PCDH15: variants seen among roughly 807,000 people sequenced by gnomAD.
PCDH15 encodes protocadherin-15.
PCDH15 carries 129 observed loss-of-function variants against 178.5 expected under a neutral mutation model. The observed-to-expected ratio is 0.72, with a 90% CI of 0.63 to 0.84. PCDH15 has a LOEUF of 0.84. Among genes scored for constraint, PCDH15 ranks in the 40% least tolerant of loss-of-function variants. The probability of loss-of-function intolerance (pLI) is 0.00; values close to 1 mark genes in which losing one functional copy is unlikely to be tolerated. For synonymous variants in PCDH15, 800 were observed against 732.0 expected (o/e 1.09, Z -1.50); for missense variants, 2,230 against 2,099.9 (o/e 1.06, Z -1.21).
chr10:54,598,137 C>T (rs1323187508), intron 2 of PCDH15, among the ~76,000 whole-genome samples: 1 of 152,002 alleles, frequency 6.6e-6, no homozygotes, highest in Non-Finnish European at 1.5e-5. Flanking sequence ...TCTATGAGGC[C>T]AGTATCATCC....
intron 2 of PCDH15, among the ~76,000 whole-genome samples, chr10:55,582,634 T>A (rs1323205340): frequency 1.5e-5 from 2 of 134,054 alleles, no homozygotes; most frequent in Non-Finnish European, 3.1e-5. Flanking sequence ...ATATATTTTT[T>A]TTTTTTTGCT....
At chr10:54,133,181 T>A (rs1464123102) in intron 14 of PCDH15, among the ~76,000 whole-genome samples, 174 bp from the exon 15 acceptor site, 1 of 152,228 alleles carries the variant, frequency 6.6e-6, no homozygotes. Context: ...TATAATGGTT[T>A]TATGAAATTA....
At chr10:55,049,204 A>G (rs1841090452) in intron 2 of PCDH15, among the ~76,000 whole-genome samples, 1 of 151,988 alleles carries the variant, frequency 6.6e-6, no homozygotes, top group African/African-American at 2.4e-5. Flanking sequence ...TCAGCTTGTG[A>G]ATTGCAAAAT....
chr10:54,552,452 G>A (rs2086722811), intron 2 of PCDH15, among the ~76,000 whole-genome samples: 1 of 152,012 alleles, frequency 6.6e-6, no homozygotes, highest in Admixed American at 6.6e-5. Context: ...AACTTAAATG[G>A]CATTATTAAT....
chr10:53,901,637 G>A (rs1007396222), intron 26 of PCDH15, among the ~76,000 whole-genome samples: 15 of 152,066 alleles, frequency 9.9e-5, no homozygotes, highest in Non-Finnish European at 1.5e-4. Flanking sequence ...AACACACCTA[G>A]AACGAATCCC....
At chr10:53,966,207 G>T (rs2088998374) in intron 21 of PCDH15, among the ~76,000 whole-genome samples, 1 of 152,124 alleles carries the variant, frequency 6.6e-6, no homozygotes, top group Non-Finnish European at 1.5e-5. Flanking sequence ...ACACCATCAT[G>T]AAAGTGTGGC....
chr10:55,483,835 C>T (rs902714422), intron 2 of PCDH15, among the ~76,000 whole-genome samples: 1 of 146,506 alleles, frequency 6.8e-6, no homozygotes, highest in South Asian at 2.1e-4. Flanking sequence ...AAAAAAAAGA[C>T]ACATGGATAC....
At chr10:54,757,191 A>G (rs1283954042) in intron 1 of PCDH15, among the ~76,000 whole-genome samples, 1 of 152,106 alleles carries the variant, frequency 6.6e-6, no homozygotes, top group Non-Finnish European at 1.5e-5. Context: ...TGTCCTTATT[A>G]GAAACATACA....
In PCDH15 at chr10:54,081,493, C is replaced by T. The variant is rs138602598; in HGVS notation, c.1998-2069G>A. Among the ~76,000 whole-genome samples, 1,252 of 152,064 alleles carry T rather than the reference C, an allele frequency of 8.2e-3. 13 individuals are homozygous for T. Among genetic ancestry groups the T allele is most frequent in the African/African-American group, 0.029 (1,184 of 41,480 alleles). On this transcript the variant is annotated intron_variant, in intron 16 of 37. Transcript: ENST00000644397. Reference sequence around the variant, plus strand: ...TTATAGAGGTAGTTTTTATGTAATACGCGGGCCTTGCGACTCAGTGTTGTA... The same window carrying T: ...TTATAGAGGTAGTTTTTATGTAATATGCGGGCCTTGCGACTCAGTGTTGTA...
chr10:54,096,992 T>G (rs929986407), intron 15 of PCDH15, among the ~76,000 whole-genome samples: 1 of 152,152 alleles, frequency 6.6e-6, no homozygotes, highest in Non-Finnish European at 1.5e-5. Context: ...TATATCCAAT[T>G]CATTAACAAA....
At chr10:55,171,004 T>C (rs2132123131) in intron 1 of PCDH15, among the ~76,000 whole-genome samples, 1 of 152,358 alleles carries the variant, frequency 6.6e-6, no homozygotes, top group Middle Eastern at 3.4e-3. Flanking sequence ...TGGTTCCTTT[T>C]TTGCTGGTCC....
chr10:55,002,311 A>C (rs1257294986), intron 2 of PCDH15, among the ~76,000 whole-genome samples: 2 of 152,244 alleles, frequency 1.3e-5, no homozygotes, highest in African/African-American at 4.8e-5. Flanking sequence ...TTAAAGTGAA[A>C]GATTATTTAC....
chr10:54,343,856 A>C (rs1942737363), intron 6 of PCDH15, among the ~76,000 whole-genome samples: 1 of 139,472 alleles, frequency 7.2e-6, no homozygotes, highest in African/African-American at 2.9e-5. Context: ...GATTTGCAAC[A>C]AAACAGAAAG....
chr10:53,921,063 G>C (rs2083955256), intron 25 of PCDH15, among the ~76,000 whole-genome samples: 1 of 152,144 alleles, frequency 6.6e-6, no homozygotes, highest in Non-Finnish European at 1.5e-5. Flanking sequence ...TTTAAATTGA[G>C]CTTTTGGAAA....
intron 2 of PCDH15, among the ~76,000 whole-genome samples, chr10:55,393,497 T>G (rs1837849850): frequency 6.6e-6 from 1 of 152,130 alleles, no homozygotes; most frequent in Non-Finnish European, 1.5e-5. Flanking sequence ...AACTGTAAAC[T>G]GAGAGACCAA....
At chr10:54,011,090 CT>C (rs1442300035) in intron 20 of PCDH15, among the ~76,000 whole-genome samples, 3 of 150,680 alleles carry the variant, frequency 2.0e-5, no homozygotes, top group Non-Finnish European at 1.5e-5. Flanking sequence ...CTTTACCCAG[CT>C]CAGGCCAGCA....
intron 1 of PCDH15, among the ~76,000 whole-genome samples, chr10:55,173,827 C>T (rs1839407505): frequency 6.6e-6 from 1 of 152,008 alleles, no homozygotes; most frequent in African/African-American, 2.4e-5. Context: ...CTCCTTAGTA[C>T]AGATTTTTTG....
intron 2 of PCDH15, among the ~76,000 whole-genome samples, chr10:54,971,177 T>A (rs1162490949): frequency 1.3e-5 from 2 of 152,162 alleles, no homozygotes; most frequent in East Asian, 3.9e-4. Flanking sequence ...TTTTAATGTT[T>A]GTGTCCCCTC....
intron 32 of PCDH15, chr10:53,822,439 C>CAGGAGCAGG (rs373916538): frequency 6.3e-7 from 1 of 1,587,340 alleles, no homozygotes; most frequent in Non-Finnish European, 8.6e-7. Context: ...GCAAGAGGAG[C>CAGGAGCAGG]AGGAGCAGGA....
Sources: allele counts gnomAD v4.1 joint callset (sites outside exome capture counted in the v4.1 genomes callset), GRCh38; gene constraint gnomAD v4.1.1; transcripts MANE v1.5; gene names NCBI Gene and HGNC (gene_info 2026-07-23, HGNC 2026-07-21).